The following SAMSN1 variants were observed in gnomAD, a reference collection of about 807,000 sequenced individuals.
SAMSN1 encodes SAM domain-containing protein SAMSN-1.
In SAMSN1, 31 loss-of-function variants were observed where a neutral mutation model predicts 42.0. The observed-to-expected ratio is 0.74, with a 90% CI of 0.55 to 1.00. SAMSN1 has a LOEUF of 1.00. Among genes scored for constraint, SAMSN1 ranks in the 50% least tolerant of loss-of-function variants. The pLI is 0.00. For synonymous variants in SAMSN1, 178 were observed against 151.9 expected, an observed-to-expected ratio of 1.17 and a Z score of -1.26; for missense variants, 464 against 439.4, an observed-to-expected ratio of 1.06 and a Z score of -0.50.
chr21:14,570,803 C>G (rs1260166484), intron 2 of SAMSN1, among the ~76,000 whole-genome samples: 2 of 152,190 alleles, frequency 1.3e-5, no homozygotes, highest in Non-Finnish European at 2.9e-5. Context: ...ACTCAAGCCT[C>G]ATATCCTCAA....
chr21:14,492,306 A>T (rs979362868), intron 7 of SAMSN1, among the ~76,000 whole-genome samples: 3 of 152,236 alleles, frequency 2.0e-5, no homozygotes, highest in South Asian at 2.1e-4. Flanking sequence ...TCTTGACAAC[A>T]TACTCGAATA....
chr21:14,609,606 G>T, intron 4 of SAMSN1: 3 of 717,216 alleles, frequency 4.2e-6, no homozygotes, highest in Non-Finnish European at 7.8e-6. Flanking sequence ...AGAATTCATA[G>T]TAACATTTGT....
chr21:14,579,710 G>A (rs1411138726), intron 2 of SAMSN1, among the ~76,000 whole-genome samples: 2 of 140,690 alleles, frequency 1.4e-5, no homozygotes, highest in African/African-American at 2.7e-5. Context: ...TTGAAATCCT[G>A]GGATCAAGTG....
chr21:14,552,462 C>T (rs774241635), intron 2 of SAMSN1, among the ~76,000 whole-genome samples: 16 of 151,950 alleles, frequency 1.1e-4, no homozygotes, highest in Non-Finnish European at 1.6e-4. Flanking sequence ...CATTAGTGCC[C>T]TTATAAAAGA....
intron 5 of SAMSN1, among the ~76,000 whole-genome samples, chr21:14,504,314 A>C (rs986340126): frequency 6.6e-6 from 1 of 152,240 alleles, no homozygotes; most frequent in Non-Finnish European, 1.5e-5. Context: ...ACCAGGAGGC[A>C]CCAGAGAAAG....
intron 6 of SAMSN1, among the ~76,000 whole-genome samples, chr21:14,597,293 A>G (rs957278877): frequency 2.6e-5 from 4 of 152,100 alleles, no homozygotes; most frequent in East Asian, 3.9e-4. Flanking sequence ...AAGCTCATGA[A>G]AAATTGGTCC....
chr21:14,580,120 G>C (rs1488477197), intron 2 of SAMSN1, among the ~76,000 whole-genome samples: 1 of 150,110 alleles, frequency 6.7e-6, no homozygotes, highest in East Asian at 1.9e-4. Context: ...TATTTGATCT[G>C]AGTCTAAGGG....
intron 1 of SAMSN1, among the ~76,000 whole-genome samples, chr21:14,524,201 A>G (rs1423024829): frequency 1.3e-5 from 2 of 152,226 alleles, no homozygotes; most frequent in Non-Finnish European, 2.9e-5. Flanking sequence ...GTTTTATGAT[A>G]ACAAGGTGAA....
In SAMSN1 at chr21:14,571,756, C is replaced by T. The variant is rs149857550; in HGVS notation, c.261+10380G>A. Reference sequence around the variant, plus strand: ...AATTCGGGAGGTCAGAAAAGGGCAACGGTGATGCCAGCATGTGCACTCCAG... The same window carrying T: ...AATTCGGGAGGTCAGAAAAGGGCAATGGTGATGCCAGCATGTGCACTCCAG... On this transcript the variant is annotated intron_variant, in intron 2 of 8. Coordinates refer to the SAMSN1 transcript ENST00000285670. Among the ~76,000 whole-genome samples the T allele has an allele frequency of 3.4e-3, 514 of 152,200 alleles. 5 individuals carry two copies. Among genetic ancestry groups the T allele is most frequent in the African/African-American group, 0.011 (469 of 41,530 alleles).
rs143482184 is a variant in SAMSN1, at chr21:14,596,928, C to G, written c.400-2850G>C. 9.4e-4 allele frequency among the ~76,000 whole-genome samples: 143 copies of G among 152,148 alleles called. 1 individual carries two copies. Among genetic ancestry groups the G allele is most frequent in the South Asian group, 7.9e-3 (38 of 4,806 alleles). On this transcript the variant is annotated intron_variant, in intron 6 of 15. Transcript: ENST00000647101. Reference sequence around the variant, plus strand: ...AATAATTTTTTTTGTTTGTTTTAAGCCCCTAAATTTTAAAGTAATTTGTTA... The same window carrying G: ...AATAATTTTTTTTGTTTGTTTTAAGGCCCTAAATTTTAAAGTAATTTGTTA...
At chr21:14,498,223 T>C (rs1392378715) in intron 7 of SAMSN1, among the ~76,000 whole-genome samples, 1 of 152,236 alleles carries the variant, frequency 6.6e-6, no homozygotes, top group African/African-American at 2.4e-5. Flanking sequence ...CCCAGAAAAG[T>C]CCTTTCATTT....
chr21:14,534,444 A>AAACAACAACAAC (rs969343441), intron 1 of SAMSN1, among the ~76,000 whole-genome samples: 1 of 152,058 alleles, frequency 6.6e-6, no homozygotes, highest in Non-Finnish European at 1.5e-5. Flanking sequence ...CTGTGAGTTT[A>AAACAACAACAAC]AACAACAACA....
chr21:14,565,006 T>C (rs1310623719), intron 2 of SAMSN1, among the ~76,000 whole-genome samples: 2 of 151,876 alleles, frequency 1.3e-5, no homozygotes, highest in Admixed American at 6.6e-5. Context: ...AAAAAGAACA[T>C]GTTTTGGGCT....
At chr21:14,492,997 G>A (rs190175213) in intron 7 of SAMSN1, among the ~76,000 whole-genome samples, 2 of 152,280 alleles carry the variant, frequency 1.3e-5, no homozygotes, top group South Asian at 2.1e-4. Flanking sequence ...GGCTATGCTG[G>A]CACACTGTTA....
chr21:14,652,539 T>C (rs1600985675), intron 1 of SAMSN1, among the ~76,000 whole-genome samples: 1 of 151,922 alleles, frequency 6.6e-6, no homozygotes, highest in African/African-American at 2.4e-5. Flanking sequence ...GTAAATAAAA[T>C]CAAAATGGAT....
chr21:14,498,100 G>A (rs1212075887), intron 7 of SAMSN1, among the ~76,000 whole-genome samples: 2 of 152,218 alleles, frequency 1.3e-5, no homozygotes, highest in East Asian at 1.9e-4. Context: ...GTGACATTTC[G>A]CACTAATGGC....
intron 3 of SAMSN1, among the ~76,000 whole-genome samples, chr21:14,514,647 T>C (rs1321908000): frequency 6.6e-6 from 1 of 152,202 alleles, no homozygotes; most frequent in African/African-American, 2.4e-5. Flanking sequence ...TTTAGGGTGA[T>C]TCTTAGATTT....
chr21:14,635,988 G>A (rs947976975), intron 2 of SAMSN1, among the ~76,000 whole-genome samples: 1 of 152,088 alleles, frequency 6.6e-6, no homozygotes, highest in Non-Finnish European at 1.5e-5. Context: ...AGGCCCTGGT[G>A]TGTGATGTTC....
chr21:14,581,146 T>C (rs185599188), intron 2 of SAMSN1, among the ~76,000 whole-genome samples: 7 of 151,966 alleles, frequency 4.6e-5, no homozygotes, highest in Admixed American at 3.9e-4. Context: ...TTCTCACGTA[T>C]CACATAATAG....
Sources: gnomAD v4.1 joint callset for allele counts (sites outside exome capture counted in the v4.1 genomes callset) on GRCh38, gnomAD v4.1.1 for gene constraint, MANE v1.5 for transcripts, NCBI Gene and HGNC (gene_info 2026-07-23, HGNC 2026-07-21) for gene names.